Variants in PALD1 observed in about 807,000 individuals in gnomAD.
The protein encoded by PALD1 is paladin.
A neutral mutation model predicts 96.0 loss-of-function variants in PALD1; 57 were observed. That is an observed-to-expected ratio of 0.59 (90% CI 0.48 to 0.74). The LOEUF (loss-of-function observed/expected upper bound fraction) is 0.74, where lower values mean the gene tolerates loss of function less well. Ranked by LOEUF, PALD1 falls within the 30% of genes least tolerant of loss-of-function variation. The pLI is 0.00. For missense variants in PALD1, 1,063 were observed against 1,143.7 expected (o/e 0.93, Z 1.02); for synonymous variants, 464 against 473.6 (o/e 0.98, Z 0.26).
intron 1 of PALD1, among the ~76,000 whole-genome samples, chr10:70,501,813 C>G (rs375006958): frequency 1.4e-5 from 2 of 139,178 alleles, no homozygotes; most frequent in African/African-American, 2.6e-5. Flanking sequence ...CATTTTTACT[C>G]TGTGTGTGTG....
chr10:70,510,486 G>T (rs1846490400), intron 1 of PALD1, among the ~76,000 whole-genome samples: 1 of 152,130 alleles, frequency 6.6e-6, no homozygotes, highest in Non-Finnish European at 1.5e-5. Context: ...CCCTCCCTAA[G>T]GCATTTGCCC....
In PALD1 at chr10:70,567,779, T is replaced by A. The variant is rs1388439142; in HGVS notation, c.*1046T>A. ...GCAGAAAAGGCCAGACCCTGCTGAG[T>A]TAGAGGCTGCTGGGATCCACTGTTT... On this transcript the variant is annotated 3_prime_UTR_variant, in exon 20 of 20. Transcript: ENST00000263563. 1 of 152,514 alleles carries A rather than the reference T, an allele frequency of 6.6e-6. No individual in the cohort carries two copies. The highest frequency in any genetic ancestry group is 1.5e-5 in the Non-Finnish European group (1 of 68,050). The allele number at this position is 152,514 out of a possible 1,614,324, so 9.4% of individuals were successfully genotyped here.
intron 1 of PALD1, among the ~76,000 whole-genome samples, chr10:70,480,614 G>GT (rs2132251434): frequency 6.6e-6 from 1 of 152,352 alleles, no homozygotes; most frequent in Admixed American, 6.5e-5. Context: ...TCCCTGGCAG[G>GT]TTTCTGTTTT....
chr10:70,481,429 C>G (rs1332476269), intron 1 of PALD1, among the ~76,000 whole-genome samples: 1 of 152,152 alleles, frequency 6.6e-6, no homozygotes, highest in Non-Finnish European at 1.5e-5. Context: ...TTTGAGGACC[C>G]CAAAAAGCTC....
At chr10:70,496,590 A>G (rs1164373002) in intron 1 of PALD1, among the ~76,000 whole-genome samples, 1 of 152,230 alleles carries the variant, frequency 6.6e-6, no homozygotes, top group Non-Finnish European at 1.5e-5. Flanking sequence ...CGCTGCAGGT[A>G]TCAGTATCGT....
chr10:70,537,761 G>C, intron 10 of PALD1, 50 bp from the exon 11 acceptor site: 1 of 1,302,338 alleles, frequency 7.7e-7, no homozygotes, highest in Non-Finnish European at 1.1e-6. Context: ...TGGGGACAGG[G>C]ACAAGACTGC....
chr10:70,529,207 T>TTGGGGGGG, intron 2 of PALD1, 22 bp from the exon 3 acceptor site: 2 of 391,776 alleles, frequency 5.1e-6, no homozygotes, highest in Non-Finnish European at 4.6e-6. Flanking sequence ...GTTTCCATTC[T>TTGGGGGGG]GCCCCCCCCC....
At chr10:70,534,870 C>G (rs1847077760) in intron 10 of PALD1, 27 bp downstream of exon 10, 3 of 1,416,618 alleles carry the variant, frequency 2.1e-6, no homozygotes, top group South Asian at 2.4e-5. Flanking sequence ...CGTGTGAGCA[C>G]TCTGCTTCTC....
In PALD1 at chr10:70,559,956, C is replaced by T. The variant is rs114589378; in HGVS notation, c.2263-4408C>T. Reference sequence around the variant, plus strand: ...AGGAGTGCTCACTGAGCGCCTGCCACATACCAAGTTCTCTGCAGACCCCCA... The same window carrying T: ...AGGAGTGCTCACTGAGCGCCTGCCATATACCAAGTTCTCTGCAGACCCCCA... On this transcript the variant is annotated intron_variant, in intron 18 of 19. Coordinates refer to ENST00000263563, the MANE Select transcript of PALD1 (RefSeq NM_014431.3). Among the ~76,000 whole-genome samples the T allele has an allele frequency of 9.2e-3, 1,406 of 152,272 alleles. 22 individuals are homozygous for T. Among genetic ancestry groups the T allele is most frequent in the African/African-American group, 0.032 (1,314 of 41,536 alleles).
Position 70,566,866 on chromosome 10 carries a change from C to T in PALD1, c.*133C>T, listed in dbSNP as rs767782694. ...TCCCCCACTTCCTGGAGAGACTGAG[C>T]GGAGTTGGGAGCCTTTTTAGAAAGA... On this transcript the variant is annotated 3_prime_UTR_variant, in exon 20 of 20. Transcript: ENST00000263563. 20 of 618,912 alleles carry T rather than the reference C, an allele frequency of 3.2e-5. No homozygotes were observed. The highest frequency in any genetic ancestry group is 8.5e-5 in the East Asian group (3 of 35,272). 38.3% of individuals were successfully genotyped at this position (618,912 alleles called of 1,614,324 possible).
chr10:70,555,135 C>T (rs558901388), intron 18 of PALD1, among the ~76,000 whole-genome samples: 7 of 147,644 alleles, frequency 4.7e-5, no homozygotes, highest in South Asian at 2.2e-4. Context: ...CCACCACTCC[C>T]GGCTAATTTT....
chr10:70,533,190 G>T, intron 7 of PALD1, 120 bp downstream of exon 7: 2 of 793,192 alleles, frequency 2.5e-6, no homozygotes, highest in East Asian at 2.7e-5. Flanking sequence ...TGTTGTGTAT[G>T]TGAGCATGTT....
chr10:70,566,063 C>T (rs1010598546), intron 19 of PALD1, among the ~76,000 whole-genome samples: 3 of 152,194 alleles, frequency 2.0e-5, no homozygotes, highest in African/African-American at 4.8e-5. Flanking sequence ...GTGGAGGCTG[C>T]ACCCTCCCCT....
chr10:70,558,590 C>A (rs986227857), intron 18 of PALD1, among the ~76,000 whole-genome samples: 3 of 152,004 alleles, frequency 2.0e-5, no homozygotes, highest in African/African-American at 7.3e-5. Context: ...TGTTGGACAG[C>A]GGGGTATCCG....
At chr10:70,516,596 C>G (rs1191745157) in intron 1 of PALD1, among the ~76,000 whole-genome samples, 1 of 152,114 alleles carries the variant, frequency 6.6e-6, no homozygotes, top group Non-Finnish European at 1.5e-5. Context: ...CACTCTTGTC[C>G]AGGCTGGAGT....
At chr10:70,541,560 A>T (rs1360508742) in intron 17 of PALD1, 26 bp downstream of exon 17, 2 of 1,581,832 alleles carry the variant, frequency 1.3e-6, no homozygotes, top group Non-Finnish European at 1.7e-6. Flanking sequence ...GGGGTCCCTG[A>T]GGCACCTTGG....
chr10:70,534,613 A>G, intron 9 of PALD1, 89 bp downstream of exon 9: 2 of 1,114,192 alleles, frequency 1.8e-6, no homozygotes, highest in South Asian at 2.7e-5. Context: ...CCTTCCCGAT[A>G]CCCTCCCCTA....
chr10:70,534,003 AG>A lies in PALD1; in HGVS notation c.954del (p.Thr319ProfsTer39). The A allele has an allele frequency of 6.2e-7, 1 of 1,613,362 alleles. No homozygotes were observed. The highest frequency in any genetic ancestry group is 8.5e-7 in the Non-Finnish European group (1 of 1,179,658). On this transcript the variant is annotated frameshift_variant, in exon 8 of 20. Transcript: ENST00000263563. LOFTEE classifies it high-confidence loss of function. Reference protein sequence around the residue: ...LVFSCQMGVGRTNLGMVLGTL... With the variant: ...LVFSCQMGVGXTNLGMVLGTL... ...CTTCAGCTGCCAGATGGGCGTGGGC[AG>A]GACCAACCTGGGCATGGTCCTGGGC...
At position 70,533,909 on chromosome 10, in the gene PALD1, T is replaced by C; in HGVS notation, c.871-13T>C. On this transcript the variant is annotated splice_polypyrimidine_tract_variant and intron_variant, in intron 7 of 19. Coordinates refer to ENST00000263563, the MANE Select transcript of PALD1 (RefSeq NM_014431.3). ...TGGTCTCACTGGGGCCTGATCCTCA[T>C]GGTCTTTCCCAGGAGACCCCCAGCC... 1.9e-6 allele frequency: 3 copies of C among 1,573,058 alleles called. No homozygotes were observed. Among genetic ancestry groups the C allele is most frequent in the Non-Finnish European group, 2.6e-6 (3 of 1,157,690 alleles).
Sources: gnomAD v4.1 joint callset for allele counts (sites outside exome capture counted in the v4.1 genomes callset) on GRCh38, gnomAD v4.1.1 for gene constraint, MANE v1.5 for transcripts, NCBI Gene and HGNC (gene_info 2026-07-23, HGNC 2026-07-21) for gene names.